LRRC38: variants seen among roughly 807,000 people sequenced by gnomAD.
LRRC38 encodes the protein leucine rich repeat containing 38, also known as leucine-rich repeat-containing protein 38.
Under a neutral mutation model 16.4 loss-of-function variants are expected in LRRC38, and 5 were observed. The ratio of observed to expected loss-of-function variants is 0.31; its 90% CI spans 0.16 to 0.64. The LOEUF is 0.64. Ranked by LOEUF, LRRC38 falls within the 30% of genes least tolerant of loss-of-function variation. LRRC38 has a pLI of 0.80. For synonymous variants in LRRC38, 191 were observed against 190.2 expected (o/e 1.00, Z -0.04); for missense variants, 341 against 401.8 (o/e 0.85, Z 1.29).
chr1:13,510,016 GCAGGTGGTTCT>G (rs1210122972), intron 1 of LRRC38, among the ~76,000 whole-genome samples: 3 of 152,180 alleles, frequency 2.0e-5, no homozygotes, highest in Admixed American at 6.5e-5. Context: ...CGATTCTCAT[GCAGGTGGTTCT>G]CAGGTGACGC....
intron 1 of LRRC38, among the ~76,000 whole-genome samples, chr1:13,481,453 A>G (rs1257971825): frequency 2.7e-5 from 4 of 149,654 alleles, no homozygotes; most frequent in East Asian, 2.0e-4. Flanking sequence ...GTGCACTGGC[A>G]TGATCTCGGC....
At chr1:13,506,333 T>C (rs1639213056) in intron 1 of LRRC38, among the ~76,000 whole-genome samples, 1 of 152,170 alleles carries the variant, frequency 6.6e-6, no homozygotes, top group Admixed American at 6.5e-5. Flanking sequence ...AGGGATGCAC[T>C]CGGCTGGGAT....
At chr1:13,512,830 C>G in intron 1 of LRRC38, 133 bp downstream of exon 1, 1 of 937,692 alleles carries the variant, frequency 1.1e-6, no homozygotes, top group Non-Finnish European at 1.6e-6. Flanking sequence ...AGCAGAGACC[C>G]AGGAAAAGTT....
chr1:13,505,365 T>C (rs1287982846), intron 1 of LRRC38, among the ~76,000 whole-genome samples: 1 of 152,186 alleles, frequency 6.6e-6, no homozygotes, highest in Non-Finnish European at 1.5e-5. Context: ...AAAGAAACCC[T>C]GAGAACATGC....
At chr1:13,503,449 A>G (rs533201815) in intron 1 of LRRC38, among the ~76,000 whole-genome samples, 34 of 152,138 alleles carry the variant, frequency 2.2e-4, no homozygotes, top group Non-Finnish European at 4.4e-4. Flanking sequence ...TTGGATTTTT[A>G]GTAGAGACGG....
At chr1:13,478,500 T>C (rs1638813404) in intron 1 of LRRC38, among the ~76,000 whole-genome samples, 1 of 152,212 alleles carries the variant, frequency 6.6e-6, no homozygotes, top group African/African-American at 2.4e-5. Context: ...CCAGTGAGAA[T>C]AGCCAGAGAG....
intron 1 of LRRC38, among the ~76,000 whole-genome samples, chr1:13,498,557 G>A (rs1271205679): frequency 1.3e-5 from 2 of 152,196 alleles, no homozygotes. Flanking sequence ...CTTGAACCTG[G>A]GAGGCGGAGG....
intron 1 of LRRC38, among the ~76,000 whole-genome samples, chr1:13,499,103 G>C (rs974766514): frequency 2.0e-5 from 3 of 151,794 alleles, no homozygotes; most frequent in Non-Finnish European, 4.4e-5. Context: ...CATTTTTTTT[G>C]TTTGTTTTTT....
chr1:13,490,224 G>A (rs1338404889), intron 1 of LRRC38, among the ~76,000 whole-genome samples: 1 of 151,874 alleles, frequency 6.6e-6, no homozygotes, highest in Non-Finnish European at 1.5e-5. Flanking sequence ...TGGCGTGACC[G>A]GCTGGCTCAC....
rs1178167441 is a variant in LRRC38 at position 13,504,763 on chromosome 1, G to C, written c.631+8200C>G. On this transcript the variant is annotated intron_variant, in intron 1 of 1. Transcript: ENST00000376085. ...GGAAGGGAGGGGAGGGGAGGGGAGG[G>C]GAAGGGAGGGAAGGGGAGAGGGAAA... Among the ~76,000 whole-genome samples the C allele has an allele frequency of 8.3e-4, 66 of 79,866 alleles. 1 individual carries two copies. Among genetic ancestry groups the C allele is most frequent in the African/African-American group, 3.5e-3 (62 of 17,922 alleles). The allele number at this position is 79,866 out of a possible 152,430, so 52.4% of individuals were successfully genotyped here. A position where few individuals can be genotyped will look rare whatever the true frequency, so the allele number is the denominator to read the frequency against.
In LRRC38 at chr1:13,513,213, G is replaced by C. The variant is rs573432291; in HGVS notation, c.381C>G (p.Ala127=). 8 of 1,550,490 alleles carry C rather than the reference G, an allele frequency of 5.2e-6. No individual in the cohort carries two copies. Among genetic ancestry groups the C allele is most frequent in the African/African-American group, 2.7e-5 (2 of 73,144 alleles). The part of the protein sequence containing the change: ...TQLGAGAFRS[A]GRLVKLSLAN... ...CCAGGCTAAGCTTCACCAGCCTCCCGGCCGAGCGGAAGGCGCCGGCGCCCA... is the reference window on the plus strand; with the variant it reads ...CCAGGCTAAGCTTCACCAGCCTCCCCGCCGAGCGGAAGGCGCCGGCGCCCA... Residue 127 remains alanine, a synonymous_variant, in exon 1 of 2, where the codon GCC becomes GCG. Coordinates refer to ENST00000376085, the MANE Select transcript of LRRC38 (RefSeq NM_001010847.2).
At chr1:13,496,410 C>A (rs543503530) in intron 1 of LRRC38, among the ~76,000 whole-genome samples, 1 of 152,122 alleles carries the variant, frequency 6.6e-6, no homozygotes, top group East Asian at 1.9e-4. Flanking sequence ...TGGGCTCAAG[C>A]AATCTTCCCG....
At chr1:13,497,628 C>CAA (rs35035006) in intron 1 of LRRC38, among the ~76,000 whole-genome samples, 31,856 of 150,212 alleles carry the variant, frequency 0.21, 3,492 homozygotes, top group East Asian at 0.3. Context: ...ACTTCATATG[C>CAA]AAAAAAAAAG....
intron 1 of LRRC38, among the ~76,000 whole-genome samples, chr1:13,480,252 A>T (rs1367765389): frequency 6.6e-6 from 1 of 152,162 alleles, no homozygotes; most frequent in African/African-American, 2.4e-5. Flanking sequence ...GGCTGAGGCA[A>T]GAGAATTGCT....
intron 1 of LRRC38, among the ~76,000 whole-genome samples, chr1:13,485,264 C>G (rs191800039): frequency 2.1e-4 from 26 of 125,230 alleles, no homozygotes; most frequent in Non-Finnish European, 3.7e-4. Context: ...GCAACAAGAG[C>G]AAAACCCCAC....
intron 1 of LRRC38, among the ~76,000 whole-genome samples, chr1:13,488,818 A>G (rs1217045400): frequency 6.6e-6 from 1 of 152,156 alleles, no homozygotes; most frequent in Non-Finnish European, 1.5e-5. Flanking sequence ...GAGCTATGAC[A>G]TGAGCTTTGC....
chr1:13,486,950 G>A (rs391744), intron 1 of LRRC38, among the ~76,000 whole-genome samples: 14,838 of 152,094 alleles, frequency 0.098, 2,438 homozygotes, highest in African/African-American at 0.34. Context: ...AACCCACACT[G>A]AGCCACAGTC....
At chr1:13,512,533 G>A (rs1357046387) in intron 1 of LRRC38, among the ~76,000 whole-genome samples, 2 of 152,162 alleles carry the variant, frequency 1.3e-5, no homozygotes, top group Non-Finnish European at 2.9e-5. Context: ...TTAGGCTCGG[G>A]AAGCTGCTGG....
At chr1:13,477,779 G>A (rs1638806543) in intron 1 of LRRC38, among the ~76,000 whole-genome samples, 1 of 152,190 alleles carries the variant, frequency 6.6e-6, no homozygotes, top group Non-Finnish European at 1.5e-5. Flanking sequence ...CTGAGGCTAT[G>A]ATCACGCCAC....
Sources: allele counts gnomAD v4.1 joint callset (sites outside exome capture counted in the v4.1 genomes callset), GRCh38; gene constraint gnomAD v4.1.1; transcripts MANE v1.5; gene names NCBI Gene and HGNC (gene_info 2026-07-23, HGNC 2026-07-21).